The following WNK4 variants were observed in gnomAD, a reference collection of about 807,000 sequenced individuals.
The protein encoded by WNK4 is WNK lysine deficient protein kinase 4.
WNK4 carries 94 observed loss-of-function variants against 116.2 expected under a neutral mutation model. The ratio of observed to expected loss-of-function variants is 0.81; its 90% confidence interval spans 0.68 to 0.96. WNK4 has a LOEUF of 0.96. Among genes scored for constraint, WNK4 ranks in the 40% least tolerant of loss-of-function variants. The probability of loss-of-function intolerance (pLI) is 0.00; values close to 1 mark genes in which losing one functional copy is unlikely to be tolerated. For missense variants in WNK4, 1,542 were observed against 1,650.6 expected (o/e 0.93, Z 1.14); for synonymous variants, 655 against 672.7 (o/e 0.97, Z 0.41).
At chr17:42,786,907 G>A (rs2054554890) in intron 6 of WNK4, among the ~76,000 whole-genome samples, 1 of 152,172 alleles carries the variant, frequency 6.6e-6, no homozygotes, top group Non-Finnish European at 1.5e-5. Context: ...TGCATTGTAG[G>A]ATGTTGAGAA....
chr17:42,784,685 A>G lies in WNK4; in HGVS notation c.1170+106A>G. On this transcript the variant is annotated intron_variant, in intron 4 of 18. Transcript: ENST00000246914. This position sits in a 1 kb window ranked among gnomAD's most constrained non-coding sequence, Gnocchi z 4.4. ...CCCTTTGCCTGCACGAAAACAGGCT[A>G]GACACAGAGTCGCCTTGGTGAACAC... 1 of 1,448,326 alleles carries G rather than the reference A, an allele frequency of 6.9e-7. No homozygotes were observed. Among genetic ancestry groups the G allele is most frequent in the South Asian group, 1.2e-5 (1 of 83,122 alleles). 89.7% of individuals were successfully genotyped at this position (1,448,326 alleles called of 1,614,324 possible). A position where few individuals can be genotyped will look rare whatever the true frequency, so the allele number is the denominator to read the frequency against.
At chr17:42,793,205 G>A (rs911212147) in intron 11 of WNK4, among the ~76,000 whole-genome samples, 15 of 152,128 alleles carry the variant, frequency 9.9e-5, no homozygotes, top group Non-Finnish European at 1.9e-4. Context: ...GAGCAGTAGT[G>A]TGAAGGGTGG....
At position 42,783,875 on chromosome 17, in the gene WNK4, G is replaced by C. The variant is rs773011045; in HGVS notation, c.792-62G>C. 2.7e-6 allele frequency: 4 copies of C among 1,507,308 alleles called. No individual in the cohort carries two copies. The African/African-American group carries it at 5.5e-5, about 21-fold the overall frequency. The allele number at this position is 1,507,308 out of a possible 1,614,324, so 93.4% of individuals were successfully genotyped here. On this transcript the variant is annotated intron_variant, in intron 2 of 18. Transcript: ENST00000246914. ...TGCGGCAGGGGGGAACTTCCCAGTG[G>C]GGGGCTCCTTCCCGGAGGACGTGTC...
At position 42,788,459 on chromosome 17, in the gene WNK4, G is replaced by A. The variant is rs749792598; in HGVS notation, c.2040+52G>A. ...AGTAACCTACAGGGCCAGGAGGGAA[G>A]TGTCAGGGGGAGGCGGGGGAGGTCA... On this transcript the variant is annotated intron_variant, in intron 10 of 18. Coordinates refer to ENST00000246914, the MANE Select transcript of WNK4 (RefSeq NM_032387.5). 3 of 1,579,018 alleles carry A rather than the reference G, an allele frequency of 1.9e-6. 1 individual carries two copies. In the South Asian group the frequency reaches 3.3e-5, roughly 18 times the overall value.
chr17:42,780,663 T>C lies in WNK4; in HGVS notation c.-36T>C. On this transcript the variant is annotated 5_prime_UTR_variant, in exon 1 of 19. Coordinates refer to ENST00000246914, the MANE Select transcript of WNK4 (RefSeq NM_032387.5). ...TGTCAGGCCGCCTCCTCTCCGGCCG[T>C]CTGATTTTCTACCCTTCGGCGCCCT... 1.2e-6 allele frequency: 2 copies of C among 1,600,566 alleles called. No individual in the cohort carries two copies. The highest frequency in any genetic ancestry group is 1.7e-6 in the Non-Finnish European group (2 of 1,178,872).
In WNK4 at chr17:42,780,625, CAGCG is replaced by C. The variant is rs1450787505; in HGVS notation, c.-71_-68del. 8.2e-6 allele frequency: 13 copies of C among 1,582,812 alleles called. No homozygotes were observed. The highest frequency in any genetic ancestry group is 1.1e-5 in the Non-Finnish European group (13 of 1,169,930). ...CCGCTCAGCCGGAGCGCAGCGCACC[CAGCG>C]AGTCCGTCTGTCAGGCCGCCTCCTC... On this transcript the variant is annotated 5_prime_UTR_variant, in exon 1 of 19. Coordinates refer to ENST00000246914, the MANE Select transcript of WNK4 (RefSeq NM_032387.5).
At position 42,784,695 on chromosome 17, in the gene WNK4, T is replaced by C. The variant is rs914602158; in HGVS notation, c.1170+116T>C. ...GCACGAAAACAGGCTAGACACAGAG[T>C]CGCCTTGGTGAACACAGAAGGATAT... On this transcript the variant is annotated intron_variant, in intron 4 of 18. Coordinates refer to ENST00000246914, the MANE Select transcript of WNK4 (RefSeq NM_032387.5). The surrounding 1 kb of genome is among the most constrained non-coding windows in gnomAD (Gnocchi z 4.4). 12 of 1,372,414 alleles carry C rather than the reference T, an allele frequency of 8.7e-6. No homozygotes were observed. In the African/African-American group the frequency reaches 1.6e-4, roughly 18 times the overall value. The allele number at this position is 1,372,414 out of a possible 1,614,324, so 85.0% of individuals were successfully genotyped here. A position where few individuals can be genotyped will look rare whatever the true frequency, so the allele number is the denominator to read the frequency against.
intron 6 of WNK4, among the ~76,000 whole-genome samples, chr17:42,786,743 C>T (rs1188368947): frequency 6.6e-6 from 1 of 152,262 alleles, no homozygotes; most frequent in East Asian, 1.9e-4. Flanking sequence ...TGGAGACCAC[C>T]TACGGTAGGT....
chr17:42,782,918 G>A lies in WNK4; in HGVS notation c.779G>A (p.Gly260Asp), dbSNP rs1310816536. ...IVLVTELMTS[G>D]TLKTYLRRFR... The stretch of plus-strand genomic sequence containing the variant: ...CTGGTCACCGAACTCATGACCTCGG[G>A]CACGCTCAAGACGTGAGCTCTGCGC... Residue 260 changes from glycine to aspartate, a missense_variant, in exon 2 of 19, where the codon GGC becomes GAC. Gly to Asp is a moderately conservative substitution (Grantham distance 94). Transcript: ENST00000246914. The surrounding 1 kb of genome is among the most constrained non-coding windows in gnomAD (Gnocchi z 4.2). The A allele has an allele frequency of 3.1e-6, 5 of 1,613,936 alleles. No homozygotes were observed. In the African/African-American group the frequency reaches 5.3e-5, roughly 17 times the overall value.
At position 42,796,339 on chromosome 17, in the gene WNK4, C is replaced by T. The variant is rs2144093128; in HGVS notation, c.3631+17C>T. 6.2e-7 allele frequency: 1 copy of T among 1,610,250 alleles called. No individual in the cohort carries two copies. Among genetic ancestry groups the T allele is most frequent in the Non-Finnish European group, 8.5e-7 (1 of 1,178,330 alleles). On this transcript the variant is annotated intron_variant, in intron 17 of 18. Transcript: ENST00000246914. ...CAGGCCCTGGTGAGACTGCAGTCACCCAGCTTCCATCTTTTCCCTGAGACC... is the reference window on the plus strand; with the variant it reads ...CAGGCCCTGGTGAGACTGCAGTCACTCAGCTTCCATCTTTTCCCTGAGACC...
In WNK4 at chr17:42,782,803, G is replaced by GTGGA. The variant is rs2143999730; in HGVS notation, c.665_668dup (p.Glu223AspfsTer17). On this transcript the variant is annotated frameshift_variant, in exon 2 of 19. Transcript: ENST00000246914. LOFTEE classifies it high-confidence loss of function. This position sits in a 1 kb window ranked among gnomAD's most constrained non-coding sequence, Gnocchi z 4.2. ...TGAGCGGCAGCGCTTCTCAGAGGAG[G>GTGGA]TGGAGATGCTCAAGGGGCTGCAGCA... 1 of 1,614,200 alleles carries GTGGA rather than the reference G, an allele frequency of 6.2e-7. No homozygotes were observed.
In WNK4 at chr17:42,792,908, A is replaced by T. The variant is rs192327553; in HGVS notation, c.2158-684A>T. On this transcript the variant is annotated intron_variant, in intron 11 of 18. Coordinates refer to ENST00000246914, the MANE Select transcript of WNK4 (RefSeq NM_032387.5). ...AAACATGGGAGGCAGCAGTGAAGAT[A>T]ACTCAGGCTCTGGCTTTAGGTAGAT... is the stretch of plus-strand genomic sequence containing the variant. Among the ~76,000 whole-genome samples, 332 of 152,344 alleles carry T rather than the reference A, an allele frequency of 2.2e-3. 2 individuals carry two copies. The highest frequency in any genetic ancestry group is 3.5e-3 in the Non-Finnish European group (238 of 68,040).
Position 42,780,895 on chromosome 17 carries a change from A to C in WNK4, c.197A>C (p.Asp66Ala). Residue 66 changes from aspartate to alanine, a missense_variant, in exon 1 of 19, where the codon GAC becomes GCC. Around this residue, in one of 7 missense-constraint regions of WNK4, gnomAD observed 243 missense variants for 217.8 expected, o/e 1.12. Transcript: ENST00000246914. ...CGTCTCAGCCGCCGTAGCTCAGTCG[A>C]CTTGGGGCTGCTGAGCTCTTGGTCC... ...SSRLSRRSSV[D>A]LGLLSSWSLP... 1 of 1,606,432 alleles carries C rather than the reference A, an allele frequency of 6.2e-7. No individual in the cohort carries two copies. The highest frequency in any genetic ancestry group is 8.5e-7 in the Non-Finnish European group (1 of 1,179,528).
At position 42,796,270 on chromosome 17, in the gene WNK4, C is replaced by G; in HGVS notation, c.3579C>G (p.Ser1193Arg). ...SSRQRRLSKG[S>R]FPTSRRNSLQ... ...GCCAGCGCCGCCTCTCCAAGGGCAG[C>G]TTCCCCACCTCCCGCCGCAACAGCC... Residue 1193 changes from serine to arginine, a missense_variant, in exon 17 of 19, where the codon AGC (serine) becomes AGG (arginine). Physicochemically the swap from Ser to Arg is moderately radical, Grantham distance 110. Transcript: ENST00000246914. 6.2e-7 allele frequency: 1 copy of G among 1,609,120 alleles called. No homozygotes were observed. The highest frequency in any genetic ancestry group is 8.5e-7 in the Non-Finnish European group (1 of 1,178,116).
At position 42,782,625 on chromosome 17, in the gene WNK4, C is replaced by G; in HGVS notation, c.619-133C>G. On this transcript the variant is annotated intron_variant, in intron 1 of 18. Transcript: ENST00000246914. This position sits in a 1 kb window ranked among gnomAD's most constrained non-coding sequence, Gnocchi z 4.2. The stretch of plus-strand genomic sequence containing the variant: ...AGTTCAGGGTCTGCAGCCCACTGGG[C>G]AAGTAATCCCATTAACCCCACCCCA... 9.8e-7 allele frequency: 1 copy of G among 1,025,608 alleles called. No individual in the cohort carries two copies. The highest frequency in any genetic ancestry group is 1.5e-6 in the Non-Finnish European group (1 of 685,492). 63.5% of individuals were successfully genotyped at this position (1,025,608 alleles called of 1,614,324 possible).
At position 42,795,283 on chromosome 17, in the gene WNK4, A is replaced by C; in HGVS notation, c.2862A>C (p.Pro954=). 6.2e-7 allele frequency: 1 copy of C among 1,612,684 alleles called. No individual in the cohort carries two copies. The change falls in exon 14 of 19, where the codon CCA becomes CCC. Residue 954 remains proline (P), a synonymous_variant. Transcript: ENST00000246914. The part of the protein sequence containing the change: ...PSPGLLSQSP[P]APPSPLPSLP... ...CTGGGCTCCTTTCCCAGTCTCCTCCAGCCCCTCCTAGTCCCCTCCCTAGCC... is the reference window on the plus strand; with the variant it reads ...CTGGGCTCCTTTCCCAGTCTCCTCCCGCCCCTCCTAGTCCCCTCCCTAGCC...
At chr17:42,788,437 A>T in intron 10 of WNK4, 30 bp downstream of exon 10, 5 of 1,603,406 alleles carry the variant, frequency 3.1e-6, no homozygotes, top group Non-Finnish European at 4.3e-6. Context: ...GATAGAGAGT[A>T]ACCTACAGGG....
rs777967920 is a variant in WNK4 at position 42,787,340 on chromosome 17, G to T, written c.1539G>T (p.Arg513=). Reference sequence around the variant, plus strand: ...CAGTGGCCCGTGCAGTACGTGAACGGGTTGCTGCCATCCAGCGAAAGCGTG... The same window carrying T: ...CAGTGGCCCGTGCAGTACGTGAACGTGTTGCTGCCATCCAGCGAAAGCGTG... ...YQPVARAVRE[R]VAAIQRKREK... is the part of the protein sequence containing the mutation. The change falls in exon 7 of 19, where the codon CGG becomes CGT. Residue 513 remains arginine, a synonymous_variant. Coordinates refer to ENST00000246914, the MANE Select transcript of WNK4 (RefSeq NM_032387.5). The T allele has an allele frequency of 8.1e-6, 13 of 1,614,114 alleles. No individual in the cohort carries two copies. The highest frequency in any genetic ancestry group is 1.7e-6 in the Non-Finnish European group (2 of 1,180,010).
At position 42,785,031 on chromosome 17, in the gene WNK4, G is replaced by A. The variant is rs1672961616; in HGVS notation, c.1171-66G>A. The A allele has an allele frequency of 4.6e-6, 7 of 1,505,976 alleles. No homozygotes were observed. The Admixed American group carries it at 7.7e-5, about 17-fold the overall frequency. 93.3% of individuals were successfully genotyped at this position (1,505,976 alleles called of 1,614,324 possible). On this transcript the variant is annotated intron_variant, in intron 4 of 18. Transcript: ENST00000246914. ...TAAGGAGGGAGTGGAGTAAGGGGTGGGGGGTGGTGTCAAGCCGAGAGCTGG... is the reference window on the plus strand; with the variant it reads ...TAAGGAGGGAGTGGAGTAAGGGGTGAGGGGTGGTGTCAAGCCGAGAGCTGG...
Sources: gnomAD v4.1 joint callset for allele counts (sites outside exome capture counted in the v4.1 genomes callset) on GRCh38, gnomAD v4.1.1 for gene constraint, gnomAD v4.1.1 regional missense constraint, Gnocchi (gnomAD v3.1) non-coding constraint, MANE v1.5 for transcripts, NCBI Gene and HGNC (gene_info 2026-07-23, HGNC 2026-07-21) for gene names.